The following DIS3L2 variants were observed in gnomAD, a reference collection of about 807,000 sequenced individuals.
DIS3L2 encodes the protein DIS3 like 3'-5' exoribonuclease 2.
A neutral mutation model predicts 97.5 loss-of-function variants in DIS3L2; 34 were observed. That is an observed-to-expected ratio of 0.35 (90% CI 0.27 to 0.46). The LOEUF is 0.46. DIS3L2 is among the 20% of genes least tolerant of loss of function. The pLI is 1.00. For synonymous variants in DIS3L2, 435 were observed against 445.2 expected, an observed-to-expected ratio of 0.98 and a Z score of 0.29; for missense variants, 1,038 against 1,146.0, an observed-to-expected ratio of 0.91 and a Z score of 1.36.
intron 14 of DIS3L2, chr2:232,328,978 T>G (rs1695653912): frequency 6.6e-6 from 1 of 152,380 alleles, no homozygotes; most frequent in African/African-American, 2.4e-5. Context: ...CTGGTTCATG[T>G]CCCACATCGC....
intron 9 of DIS3L2, among the ~76,000 whole-genome samples, chr2:232,204,720 A>T (rs76587551): frequency 0.01 from 1,559 of 152,290 alleles, 33 homozygotes; most frequent in African/African-American, 0.036. Context: ...AGGAGCCAGT[A>T]AAATCCCAAG....
intron 5 of DIS3L2, among the ~76,000 whole-genome samples, chr2:232,064,832 T>C (rs1414851096): frequency 1.3e-5 from 2 of 152,204 alleles, no homozygotes; most frequent in Non-Finnish European, 2.9e-5. Context: ...CCCATTAATA[T>C]ATATGTTATT....
At chr2:232,215,476 TC>T (rs1407289430) in intron 10 of DIS3L2, among the ~76,000 whole-genome samples, 29 of 152,338 alleles carry the variant, frequency 1.9e-4, no homozygotes, top group African/African-American at 6.7e-4. Flanking sequence ...GCACCAGTCT[TC>T]CTGCCTGGAT....
At chr2:232,251,462 A>G (rs560139014) in intron 12 of DIS3L2, among the ~76,000 whole-genome samples, 4 of 152,356 alleles carry the variant, frequency 2.6e-5, no homozygotes, top group African/African-American at 9.6e-5. Context: ...AAAAAATTAG[A>G]AGACTAGTCC....
intron 1 of DIS3L2, among the ~76,000 whole-genome samples, chr2:232,004,264 G>T (rs573779588): frequency 6.6e-6 from 1 of 152,138 alleles, no homozygotes; most frequent in South Asian, 2.1e-4. Flanking sequence ...GTAAAGACGG[G>T]GTTTCACCAT....
chr2:232,175,537 TG>T (rs1340897939), intron 9 of DIS3L2, among the ~76,000 whole-genome samples: 1 of 152,188 alleles, frequency 6.6e-6, no homozygotes, highest in Non-Finnish European at 1.5e-5. Flanking sequence ...TGGAAGAGTT[TG>T]TGAAGAATTT....
At chr2:232,102,347 G>A (rs535780389) in intron 6 of DIS3L2, among the ~76,000 whole-genome samples, 4 of 152,266 alleles carry the variant, frequency 2.6e-5, no homozygotes, top group Middle Eastern at 3.4e-3. Flanking sequence ...CCTGGGTTGG[G>A]GAAATAATAT....
intron 11 of DIS3L2, among the ~76,000 whole-genome samples, chr2:232,247,484 G>A (rs557381687): frequency 1.3e-5 from 2 of 151,928 alleles, no homozygotes; most frequent in South Asian, 2.1e-4. Context: ...TCTCTTTCTT[G>A]TCTTATAAAG....
At chr2:232,312,434 C>T (rs553666446) in intron 14 of DIS3L2, among the ~76,000 whole-genome samples, 4 of 152,216 alleles carry the variant, frequency 2.6e-5, no homozygotes, top group African/African-American at 9.6e-5. Flanking sequence ...TCTGTTTCTG[C>T]TCTCCATTCT....
intron 3 of DIS3L2, among the ~76,000 whole-genome samples, chr2:232,016,920 C>G (rs1266234236): frequency 2.9e-5 from 4 of 136,610 alleles, no homozygotes; most frequent in African/African-American, 1.1e-4. Context: ...CTCCCTCCCT[C>G]TCTCCCTCCC....
chr2:232,078,386 G>C (rs755281156), intron 5 of DIS3L2, among the ~76,000 whole-genome samples: 1 of 151,902 alleles, frequency 6.6e-6, no homozygotes, highest in East Asian at 1.9e-4. Context: ...CTTCCCCCCC[G>C]CCCCGCTCCC....
At chr2:232,137,571 G>T (rs904367371) in intron 8 of DIS3L2, among the ~76,000 whole-genome samples, 1 of 152,210 alleles carries the variant, frequency 6.6e-6, no homozygotes, top group African/African-American at 2.4e-5. Flanking sequence ...TCCTGGGAAT[G>T]TCCTATGGGT....
intron 1 of DIS3L2, among the ~76,000 whole-genome samples, chr2:232,011,349 TTTTC>T (rs976728189): frequency 6.6e-6 from 1 of 152,024 alleles, no homozygotes; most frequent in African/African-American, 2.4e-5. Context: ...TGTTTGTTCA[TTTTC>T]TTTCTTTTTT....
intron 13 of DIS3L2, among the ~76,000 whole-genome samples, chr2:232,287,021 A>G (rs1364378458): frequency 6.6e-6 from 1 of 152,154 alleles, no homozygotes; most frequent in Non-Finnish European, 1.5e-5. Flanking sequence ...TTTCCCTGGC[A>G]GAAAGGTGGA....
rs376816858 is a variant in DIS3L2, at chr2:232,335,828, C to G, written c.2450C>G (p.Thr817Arg). 8 of 1,550,920 alleles carry G rather than the reference C, an allele frequency of 5.2e-6. No individual in the cohort carries two copies. Among genetic ancestry groups the G allele is most frequent in the Middle Eastern group, 3.4e-4 (2 of 5,902 alleles). ...AAGGTGGGCAAGAAGCCGGAACTCA[C>G]GCTGGTCTGGGAGCCTGAGGACATG... Reference protein sequence around the residue: ...FQKVGKKPELTLVWEPEDMEQ... With the variant: ...FQKVGKKPELRLVWEPEDMEQ... The change falls in exon 20 of 21, where the codon ACG becomes AGG. Residue 817 changes from threonine to arginine, a missense_variant. Thr to Arg is a moderately conservative substitution (Grantham distance 71, BLOSUM62 -1). Around this residue, in one of 3 missense-constraint regions of DIS3L2, gnomAD observed 221 missense variants for 246.9 expected, o/e 0.90. Coordinates refer to ENST00000325385, the MANE Select transcript of DIS3L2 (RefSeq NM_152383.5).
intron 14 of DIS3L2, among the ~76,000 whole-genome samples, chr2:232,321,311 A>G (rs575612178): frequency 3.3e-5 from 5 of 152,234 alleles, no homozygotes; most frequent in African/African-American, 9.6e-5. Flanking sequence ...CTCTGACTGT[A>G]TGGAGCTCAC....
At chr2:232,125,440 T>C (rs926721575) in intron 6 of DIS3L2, among the ~76,000 whole-genome samples, 2 of 152,196 alleles carry the variant, frequency 1.3e-5, no homozygotes, top group Non-Finnish European at 2.9e-5. Context: ...CAGTTCTTGC[T>C]AGTGTGGAGA....
chr2:231,998,650 A>G (rs1210673657), intron 1 of DIS3L2, among the ~76,000 whole-genome samples: 1 of 152,192 alleles, frequency 6.6e-6, no homozygotes, highest in Non-Finnish European at 1.5e-5. Context: ...GGATACTTTG[A>G]AACTATTTAA....
intron 13 of DIS3L2, among the ~76,000 whole-genome samples, chr2:232,287,618 C>G (rs540001286): frequency 4.4e-4 from 67 of 152,120 alleles, no homozygotes; most frequent in African/African-American, 1.5e-3. Context: ...CTCTCAAACT[C>G]ATAGCCTCCA....
Sources: gnomAD v4.1 joint callset for allele counts (sites outside exome capture counted in the v4.1 genomes callset) on GRCh38, gnomAD v4.1.1 for gene constraint, gnomAD v4.1.1 regional missense constraint, MANE v1.5 for transcripts, NCBI Gene and HGNC (gene_info 2026-07-23, HGNC 2026-07-21) for gene names.